PTPRM: variants seen among roughly 807,000 people sequenced by gnomAD.
The protein encoded by PTPRM is receptor-type tyrosine-protein phosphatase mu.
Under a neutral mutation model 186.7 loss-of-function variants are expected in PTPRM, and 47 were observed. The ratio of observed to expected loss-of-function variants is 0.25; its 90% confidence interval spans 0.20 to 0.32. The LOEUF is 0.32. PTPRM is among the 10% of genes least tolerant of loss of function. PTPRM has a pLI of 1.00. For synonymous variants in PTPRM, 668 were observed against 674.9 expected (o/e 0.99, Z 0.16); for missense variants, 1,494 against 1,865.0 (o/e 0.80, Z 3.66).
intron 1 of PTPRM, among the ~76,000 whole-genome samples, chr18:7,641,930 G>A (rs574703375): frequency 1.9e-3 from 292 of 152,262 alleles, no homozygotes; most frequent in African/African-American, 6.8e-3. Context: ...GGCGAATCCA[G>A]GTCAGAATGT....
intron 9 of PTPRM, among the ~76,000 whole-genome samples, chr18:8,079,182 C>T (rs1204946237): frequency 1.3e-5 from 2 of 152,282 alleles, no homozygotes; most frequent in African/African-American, 2.4e-5. Context: ...TTCTCCTTTT[C>T]ACTCCTCTGA....
intron 23 of PTPRM, among the ~76,000 whole-genome samples, chr18:8,348,641 T>G (rs923917772): frequency 6.6e-6 from 1 of 152,244 alleles, no homozygotes; most frequent in Non-Finnish European, 1.5e-5. Flanking sequence ...TTACACCGTT[T>G]GTGTGGAGAT....
chr18:8,139,755 C>T (rs1174333715), intron 13 of PTPRM, among the ~76,000 whole-genome samples: 1 of 151,854 alleles, frequency 6.6e-6, no homozygotes, highest in African/African-American at 2.4e-5. Context: ...ATTCCTTCTC[C>T]AATCCCCCAT....
At chr18:7,980,691 G>C (rs28523954) in intron 7 of PTPRM, among the ~76,000 whole-genome samples, 5,332 of 152,186 alleles carry the variant, frequency 0.035, 307 homozygotes, top group African/African-American at 0.12. Context: ...GCCATCAGAG[G>C]TCTTTTATAA....
At chr18:7,881,944 G>A (rs538663121) in intron 2 of PTPRM, among the ~76,000 whole-genome samples, 1 of 152,218 alleles carries the variant, frequency 6.6e-6, no homozygotes, top group South Asian at 2.1e-4. Flanking sequence ...TTACCTTTGG[G>A]TTAAGAAAGC....
intron 14 of PTPRM, among the ~76,000 whole-genome samples, chr18:8,201,372 A>G (rs1186766623): frequency 6.6e-6 from 1 of 152,228 alleles, no homozygotes; most frequent in Non-Finnish European, 1.5e-5. Flanking sequence ...TTTTACATAT[A>G]TATTAATGAT....
At chr18:8,237,037 T>C (rs952005303) in intron 14 of PTPRM, among the ~76,000 whole-genome samples, 5 of 152,234 alleles carry the variant, frequency 3.3e-5, no homozygotes, top group Admixed American at 1.3e-4. Flanking sequence ...TTGTTACTTT[T>C]TTCAGTGGTT....
At chr18:7,949,883 G>A (rs925726660) in intron 6 of PTPRM, among the ~76,000 whole-genome samples, 3 of 152,068 alleles carry the variant, frequency 2.0e-5, no homozygotes, top group Non-Finnish European at 2.9e-5. Flanking sequence ...AAGAAGGTGG[G>A]GGATGAGGGA....
intron 14 of PTPRM, among the ~76,000 whole-genome samples, chr18:8,237,811 C>T (rs2094363894): frequency 6.6e-6 from 1 of 152,154 alleles, no homozygotes; most frequent in African/African-American, 2.4e-5. Flanking sequence ...GATAAATTCA[C>T]AGGACACAGA....
intron 21 of PTPRM, among the ~76,000 whole-genome samples, chr18:8,315,535 G>C (rs1010551012): frequency 6.6e-6 from 1 of 152,172 alleles, no homozygotes; most frequent in Non-Finnish European, 1.5e-5. Flanking sequence ...ATCAAAAGTA[G>C]ACTGAAAAAT....
intron 1 of PTPRM, among the ~76,000 whole-genome samples, chr18:7,586,389 G>T (rs1400340115): frequency 6.6e-6 from 1 of 152,140 alleles, no homozygotes; most frequent in Admixed American, 6.5e-5. Context: ...CAGTCCTTAG[G>T]CACTTAATCA....
intron 1 of PTPRM, among the ~76,000 whole-genome samples, chr18:7,699,910 C>A (rs541851570): frequency 6.6e-6 from 1 of 152,112 alleles, no homozygotes; most frequent in South Asian, 2.1e-4. Flanking sequence ...GATCAAGCTG[C>A]CTTTCTTCCA....
chr18:8,298,495 T>C (rs907652355), intron 20 of PTPRM, among the ~76,000 whole-genome samples: 2 of 152,200 alleles, frequency 1.3e-5, no homozygotes, highest in African/African-American at 4.8e-5. Flanking sequence ...CAATACAACA[T>C]TGAGTCTGCT....
chr18:7,614,690 A>C (rs975513378), intron 1 of PTPRM, among the ~76,000 whole-genome samples: 1 of 152,208 alleles, frequency 6.6e-6, no homozygotes, highest in African/African-American at 2.4e-5. Flanking sequence ...GGTTCAGTAT[A>C]CTGTTCATTT....
intron 3 of PTPRM, among the ~76,000 whole-genome samples, chr18:7,888,808 A>G (rs1483135649): frequency 6.6e-6 from 1 of 152,218 alleles, no homozygotes; most frequent in Non-Finnish European, 1.5e-5. Context: ...ATAAAAAAGA[A>G]TGAAATCATG....
intron 1 of PTPRM, among the ~76,000 whole-genome samples, chr18:7,764,119 C>T (rs572432507): frequency 5.3e-5 from 8 of 152,104 alleles, no homozygotes; most frequent in African/African-American, 1.7e-4. Context: ...TTGATCCAGC[C>T]GTGCTATTCT....
At chr18:7,897,212 A>G (rs1251454173) in intron 3 of PTPRM, among the ~76,000 whole-genome samples, 1 of 152,172 alleles carries the variant, frequency 6.6e-6, no homozygotes, top group Non-Finnish European at 1.5e-5. Flanking sequence ...ACACATGGTG[A>G]GTGTGGGTGC....
At chr18:7,855,278 T>C (rs769066821) in intron 2 of PTPRM, among the ~76,000 whole-genome samples, 1 of 152,188 alleles carries the variant, frequency 6.6e-6, no homozygotes, top group Non-Finnish European at 1.5e-5. Context: ...CATACTGGCA[T>C]GTAGTGATTA....
intron 14 of PTPRM, among the ~76,000 whole-genome samples, chr18:8,199,975 A>G (rs2093831456): frequency 6.6e-6 from 1 of 152,140 alleles, no homozygotes; most frequent in South Asian, 2.1e-4. Flanking sequence ...TAAATAATAT[A>G]TGGGTATTAT....
Sources: gnomAD v4.1 joint callset for allele counts (sites outside exome capture counted in the v4.1 genomes callset) on GRCh38, gnomAD v4.1.1 for gene constraint, MANE v1.5 for transcripts, NCBI Gene and HGNC (gene_info 2026-07-23, HGNC 2026-07-21) for gene names.